Variants in FREM2 observed in about 807,000 individuals in gnomAD.
FREM2 encodes the protein FRAS1-related extracellular matrix protein 2.
A neutral mutation model predicts 219.9 loss-of-function variants in FREM2; 119 were observed. The ratio of observed to expected loss-of-function variants is 0.54; its 90% CI spans 0.47 to 0.63. The LOEUF (loss-of-function observed/expected upper bound fraction) is 0.63. FREM2 is among the 30% of genes least tolerant of loss of function. FREM2 has a pLI of 0.00. For missense variants in FREM2, 4,030 were observed against 3,993.6 expected (o/e 1.01, Z -0.25); for synonymous variants, 1,562 against 1,522.8 (o/e 1.03, Z -0.60).
chr13:38,803,697 G>A (rs1875108980), intron 6 of FREM2, among the ~76,000 whole-genome samples: 1 of 150,072 alleles, frequency 6.7e-6, no homozygotes, highest in African/African-American at 2.5e-5. Context: ...ACCCGCAGGG[G>A]TTTTAGCTAA....
chr13:38,855,526 C>T (rs1051989576), intron 11 of FREM2, among the ~76,000 whole-genome samples: 5 of 152,122 alleles, frequency 3.3e-5, no homozygotes, highest in Admixed American at 6.6e-5. Flanking sequence ...TGTGGGCCAA[C>T]GAACCAATGT....
chr13:38,700,558 T>C (rs562304339), intron 2 of FREM2, among the ~76,000 whole-genome samples: 18 of 152,192 alleles, frequency 1.2e-4, no homozygotes, highest in African/African-American at 4.3e-4. Context: ...TTATTTATTG[T>C]TTCTTATGCG....
At chr13:38,858,245 A>G (rs1288489789) in intron 13 of FREM2, among the ~76,000 whole-genome samples, 1 of 152,238 alleles carries the variant, frequency 6.6e-6, no homozygotes, top group Non-Finnish European at 1.5e-5. Context: ...ATGTGTACAT[A>G]GTGTGTTATC....
intron 6 of FREM2, among the ~76,000 whole-genome samples, chr13:38,799,192 AT>A (rs942807532): frequency 6.6e-6 from 1 of 151,536 alleles, no homozygotes; most frequent in Non-Finnish European, 1.5e-5. Flanking sequence ...GTTTCAAGAA[AT>A]TTTTTTTCTA....
At position 38,769,712 on chromosome 13, in the gene FREM2, C is replaced by T; in HGVS notation, c.5545C>T (p.Gln1849Ter). 6.2e-7 allele frequency: 1 copy of T among 1,614,146 alleles called. No individual in the cohort carries two copies. The highest frequency in any genetic ancestry group is 8.5e-7 in the Non-Finnish European group (1 of 1,180,000). ...GATCCTGAGTGATGGGGAGCATGAGCAGTCTGAAACCTTTCAGGTGGTACT... is the reference window on the plus strand; with the variant it reads ...GATCCTGAGTGATGGGGAGCATGAGTAGTCTGAAACCTTTCAGGTGGTACT... Reference protein sequence around the residue: ...VRILSDGEHEQSETFQVVLSE... With the variant: ...VRILSDGEHE The change falls in exon 4 of 24, where the codon CAG becomes TAG. Residue 1849 changes from glutamine to a stop codon, truncating the protein, a stop_gained. Coordinates refer to ENST00000280481, the MANE Select transcript of FREM2 (RefSeq NM_207361.6). LOFTEE classifies it high-confidence loss of function.
intron 2 of FREM2, among the ~76,000 whole-genome samples, chr13:38,706,781 C>A (rs1435276625): frequency 2.6e-5 from 4 of 152,068 alleles, no homozygotes; most frequent in African/African-American, 9.7e-5. Context: ...AACTTCCTAC[C>A]TGATAAGTAT....
rs769767730 is a variant in FREM2 at position 38,690,789 on chromosome 13, G to A, written c.3445G>A (p.Val1149Ile). 1.2e-6 allele frequency: 2 copies of A among 1,614,180 alleles called. No homozygotes were observed. The highest frequency in any genetic ancestry group is 1.7e-5 in the Admixed American group (1 of 60,036). The change falls in exon 1 of 24, where the codon GTC becomes ATC. Residue 1149 changes from valine (V) to isoleucine (I), a missense_variant. By Grantham distance (29) the Val-to-Ile change is conservative. Coordinates refer to ENST00000280481, the MANE Select transcript of FREM2 (RefSeq NM_207361.6). Reference protein sequence around the residue: ...KDLRQGHINYVQSVHKGVEPV... With the variant: ...KDLRQGHINYIQSVHKGVEPV... ...TCTCAGGCAGGGCCACATAAACTAT[G>A]TCCAGAGTGTCCATAAAGGGGTGGA... is the stretch of plus-strand genomic sequence containing the variant.
chr13:38,793,934 T>C (rs940560307), intron 6 of FREM2, among the ~76,000 whole-genome samples: 2 of 152,012 alleles, frequency 1.3e-5, no homozygotes, highest in Non-Finnish European at 2.9e-5. Context: ...AAAGGTAGAA[T>C]GGGCTTAGGA....
At chr13:38,818,831 G>A (rs1334513905) in intron 6 of FREM2, among the ~76,000 whole-genome samples, 1 of 151,808 alleles carries the variant, frequency 6.6e-6, no homozygotes, top group Non-Finnish European at 1.5e-5. Flanking sequence ...GGCAGAGGTT[G>A]CAGTGAGCCA....
chr13:38,771,493 C>T (rs1873658169), intron 4 of FREM2, among the ~76,000 whole-genome samples: 1 of 152,098 alleles, frequency 6.6e-6, no homozygotes, highest in Admixed American at 6.5e-5. Flanking sequence ...CTCAGAGTGA[C>T]ACTCTGCACC....
Position 38,851,799 on chromosome 13 carries a change from T to A in FREM2, c.6856T>A (p.Ser2286Thr), listed in dbSNP as rs1309782787. 2 of 1,613,838 alleles carry A rather than the reference T, an allele frequency of 1.2e-6. No homozygotes were observed. The highest frequency in any genetic ancestry group is 1.7e-6 in the Non-Finnish European group (2 of 1,179,926). ...VIRQGDTSKV[S>T]IVRVHTKDGS... ...TCGCCAAGGAGACACTTCAAAGGTT[T>A]CCATTGTGAGAGTCCACACCAAGGA... Residue 2286 changes from serine to threonine, a missense_variant, in exon 11 of 24, where the codon TCC becomes ACC. Ser to Thr is a moderately conservative substitution (Grantham distance 58). Transcript: ENST00000280481.
At chr13:38,701,450 C>A (rs2138083505) in intron 2 of FREM2, among the ~76,000 whole-genome samples, 1 of 152,254 alleles carries the variant, frequency 6.6e-6, no homozygotes, top group East Asian at 1.9e-4. Context: ...ATACATCTTC[C>A]TTTGTTGACT....
intron 2 of FREM2, among the ~76,000 whole-genome samples, chr13:38,712,329 G>C (rs919246385): frequency 2.0e-5 from 3 of 152,186 alleles, no homozygotes; most frequent in African/African-American, 7.2e-5. Flanking sequence ...TTAATTCATA[G>C]TGGTTGTATT....
At chr13:38,827,613 T>C (rs1350990272) in intron 6 of FREM2, 1 of 152,100 alleles carries the variant, frequency 6.6e-6, no homozygotes, top group East Asian at 1.9e-4. Context: ...ATCACTGAAA[T>C]AGGGCATAAA....
rs1437549301 is a variant in FREM2, at chr13:38,754,889, G to GATTATTATTATT, written c.5264-9413_5264-9412insTATTATTATTAT. ...TGATGATGATGATGATGATGATGAT[G>GATTATTATTATT]ATGATGATGATGATTATTATTATTA... On this transcript the variant is annotated intron_variant, in intron 2 of 23. Transcript: ENST00000280481. Among the ~76,000 whole-genome samples the GATTATTATTATT allele has an allele frequency of 6.3e-3, 518 of 82,202 alleles. 2 individuals carry two copies. Among genetic ancestry groups the GATTATTATTATT allele is most frequent in the Non-Finnish European group, 0.01 (414 of 41,056 alleles). The allele number at this position is 82,202 out of a possible 152,430, so 53.9% of individuals were successfully genotyped here.
At chr13:38,849,905 G>T in intron 8 of FREM2, 133 bp from the exon 9 acceptor site, 8 of 755,668 alleles carry the variant, frequency 1.1e-5, no homozygotes, top group Non-Finnish European at 1.6e-5. Context: ...CAAAATATTG[G>T]CAAGTGACTG....
At chr13:38,875,957 A>G (rs1878323339) in intron 18 of FREM2, 65 bp from the exon 19 acceptor site, 2 of 1,418,690 alleles carry the variant, frequency 1.4e-6, no homozygotes, top group Admixed American at 1.7e-5. Context: ...TGAAAACTCT[A>G]AACTGTTATG....
intron 2 of FREM2, among the ~76,000 whole-genome samples, chr13:38,738,460 G>T (rs1176430492): frequency 1.3e-5 from 2 of 151,464 alleles, no homozygotes; most frequent in Non-Finnish European, 2.9e-5. Flanking sequence ...CAGCTACTTG[G>T]GAGGCTGAGG....
intron 2 of FREM2, among the ~76,000 whole-genome samples, chr13:38,737,983 G>T (rs186001112): frequency 4.6e-5 from 7 of 152,258 alleles, no homozygotes; most frequent in Middle Eastern, 6.8e-3. Flanking sequence ...CAGGTAGAAA[G>T]CCATTGAAGA....
Sources: allele counts gnomAD v4.1 joint callset (sites outside exome capture counted in the v4.1 genomes callset), GRCh38; gene constraint gnomAD v4.1.1; transcripts MANE v1.5; gene names NCBI Gene and HGNC (gene_info 2026-07-23, HGNC 2026-07-21).